Variants in COL25A1 observed in about 807,000 individuals in gnomAD.
COL25A1 encodes the protein collagen type XXV alpha 1 chain, also known as collagen alpha-1(XXV) chain.
In COL25A1, 103 loss-of-function variants were observed where a neutral mutation model predicts 128.4. The ratio of observed to expected loss-of-function variants is 0.80; its 90% CI spans 0.68 to 0.94. The LOEUF is 0.94. Ranked by LOEUF, COL25A1 falls within the 40% of genes least tolerant of loss-of-function variation. The probability of loss-of-function intolerance (pLI) is 0.00; values close to 1 mark genes in which losing one functional copy is unlikely to be tolerated. For synonymous variants in COL25A1, 279 were observed against 277.2 expected, an observed-to-expected ratio of 1.01 and a Z score of -0.06; for missense variants, 745 against 840.0, an observed-to-expected ratio of 0.89 and a Z score of 1.40.
chr4:109,164,002 G>A (rs530038947), intron 3 of COL25A1, among the ~76,000 whole-genome samples: 7 of 152,082 alleles, frequency 4.6e-5, no homozygotes, highest in African/African-American at 1.7e-4. Flanking sequence ...ATTAACGAGT[G>A]GTATGGCTCA....
chr4:109,050,884 T>G (rs1366642960), intron 3 of COL25A1, among the ~76,000 whole-genome samples: 4 of 149,590 alleles, frequency 2.7e-5, no homozygotes, highest in East Asian at 3.9e-4. Context: ...AAAAACTTGT[T>G]TTTTTTTTTT....
intron 33 of COL25A1, 106 bp downstream of exon 33, chr4:108,827,029 T>C (rs1732473724): frequency 1.1e-6 from 1 of 937,504 alleles, no homozygotes; most frequent in South Asian, 1.4e-5. Context: ...GGATTGTTGT[T>C]TCTTCTCTAA....
intron 3 of COL25A1, among the ~76,000 whole-genome samples, chr4:109,192,639 G>A (rs916912369): frequency 6.6e-6 from 1 of 152,170 alleles, no homozygotes; most frequent in African/African-American, 2.4e-5. Flanking sequence ...AGATCACGAG[G>A]TCAGGAGATC....
At chr4:108,962,301 C>T (rs748840350) in intron 8 of COL25A1, among the ~76,000 whole-genome samples, 17 of 151,972 alleles carry the variant, frequency 1.1e-4, no homozygotes, top group Non-Finnish European at 2.4e-4. Context: ...GATTCTCCTG[C>T]CTCAGCCTCC....
chr4:109,048,002 G>C (rs1197602626), intron 5 of COL25A1, among the ~76,000 whole-genome samples, 166 bp downstream of exon 5: 1 of 151,954 alleles, frequency 6.6e-6, no homozygotes, highest in African/African-American at 2.4e-5. Context: ...AAAGTGCTGG[G>C]ATTACAGGCG....
chr4:109,211,290 CTATATATATATA>C (rs753994624), intron 3 of COL25A1, among the ~76,000 whole-genome samples: 2,882 of 102,528 alleles, frequency 0.028, 119 homozygotes, highest in African/African-American at 0.067. Context: ...ATATATGAAA[CTATATATATATA>C]TATATATATA....
chr4:109,011,545 AAGT>A (rs1427210352), intron 5 of COL25A1, among the ~76,000 whole-genome samples: 7 of 152,258 alleles, frequency 4.6e-5, no homozygotes, highest in Admixed American at 1.3e-4. Context: ...ATTCCTTACC[AAGT>A]GCCAGACACT....
intron 8 of COL25A1, among the ~76,000 whole-genome samples, chr4:108,957,188 G>A (rs1750171739): frequency 6.6e-6 from 1 of 152,086 alleles, no homozygotes; most frequent in Non-Finnish European, 1.5e-5. Flanking sequence ...CTTTAAGGAG[G>A]ACATAGAAGC....
intron 5 of COL25A1, among the ~76,000 whole-genome samples, chr4:109,036,023 G>C (rs1200578193): frequency 6.6e-6 from 1 of 152,008 alleles, no homozygotes; most frequent in African/African-American, 2.4e-5. Context: ...CGCCTCCCAG[G>C]TTCATGCCAT....
chr4:108,817,525 T>A, intron 36 of COL25A1, 90 bp from the exon 37 acceptor site: 1 of 1,242,124 alleles, frequency 8.1e-7, no homozygotes, highest in East Asian at 2.4e-5. Flanking sequence ...AAAAATAAAT[T>A]TCTACCCATT....
chr4:109,028,578 T>C (rs530479305), intron 5 of COL25A1, among the ~76,000 whole-genome samples: 1 of 151,946 alleles, frequency 6.6e-6, no homozygotes, highest in South Asian at 2.1e-4. Context: ...ATACAAAAAT[T>C]AGCTGGGCAT....
intron 3 of COL25A1, among the ~76,000 whole-genome samples, chr4:109,182,872 A>G (rs901472149): frequency 6.6e-6 from 1 of 152,062 alleles, no homozygotes; most frequent in Non-Finnish European, 1.5e-5. Context: ...ATATAAGGGG[A>G]AAAAAGGTTT....
At chr4:109,242,601 C>A (rs1270334771) in intron 3 of COL25A1, among the ~76,000 whole-genome samples, 1 of 152,080 alleles carries the variant, frequency 6.6e-6, no homozygotes, top group African/African-American at 2.4e-5. Context: ...TTAAAACTCA[C>A]ATTCTATGTA....
chr4:109,068,063 C>T (rs946727060), intron 3 of COL25A1, among the ~76,000 whole-genome samples: 2 of 152,136 alleles, frequency 1.3e-5, no homozygotes, highest in African/African-American at 2.4e-5. Flanking sequence ...CCATTGCTTT[C>T]GGTGGCTCCT....
At chr4:109,226,787 G>A (rs1035097721) in intron 3 of COL25A1, among the ~76,000 whole-genome samples, 4 of 152,044 alleles carry the variant, frequency 2.6e-5, no homozygotes, top group East Asian at 1.9e-4. Flanking sequence ...GGCAGAACAC[G>A]TGATAGGCCA....
intron 5 of COL25A1, among the ~76,000 whole-genome samples, chr4:109,016,909 C>T (rs922523620): frequency 6.6e-6 from 1 of 152,222 alleles, no homozygotes; most frequent in African/African-American, 2.4e-5. Context: ...TGAGACCCAA[C>T]AAATGGCAAG....
chr4:109,141,106 C>G (rs1272869085), intron 3 of COL25A1, among the ~76,000 whole-genome samples: 1 of 151,950 alleles, frequency 6.6e-6, no homozygotes, highest in Non-Finnish European at 1.5e-5. Context: ...GAGATATGTT[C>G]CATCAATACC....
At chr4:109,231,854 T>C (rs778063750) in intron 3 of COL25A1, among the ~76,000 whole-genome samples, 4 of 152,222 alleles carry the variant, frequency 2.6e-5, no homozygotes, top group Non-Finnish European at 4.4e-5. Context: ...TGTTTTTTTA[T>C]GTGCAGAAGA....
chr4:108,819,843 C>G, intron 35 of COL25A1: 2 of 1,231,910 alleles, frequency 1.6e-6, no homozygotes, highest in Non-Finnish European at 2.0e-6. Context: ...TCCAGGAGCA[C>G]CCTGTTCTCC....
Sources: allele counts gnomAD v4.1 joint callset (sites outside exome capture counted in the v4.1 genomes callset), GRCh38; gene constraint gnomAD v4.1.1; transcripts MANE v1.5; gene names NCBI Gene and HGNC (gene_info 2026-07-23, HGNC 2026-07-21).